The following TENM3 variants were observed in gnomAD, a reference collection of about 807,000 sequenced individuals.
The protein encoded by TENM3 is teneurin transmembrane protein 3.
A neutral mutation model predicts 255.1 loss-of-function variants in TENM3; 63 were observed. The observed-to-expected ratio is 0.25, with a 90% CI of 0.20 to 0.30. TENM3 has a LOEUF of 0.30. Among genes scored for constraint, TENM3 ranks in the 10% least tolerant of loss-of-function variants. The pLI, the probability that TENM3 is intolerant of heterozygous loss-of-function variation, is 1.00. For synonymous variants in TENM3, 1,306 were observed against 1,322.3 expected (o/e 0.99, Z 0.27); for missense variants, 2,929 against 3,461.1 (o/e 0.85, Z 3.86).
At chr4:181,868,934 A>G in the TENM3 span, among the ~76,000 whole-genome samples, 1 of 152,122 alleles carries the variant, frequency 6.6e-6, no homozygotes, top group Non-Finnish European at 1.5e-5. Context: ...TTTCTAAGAA[A>G]TAGCAATTAA....
chr4:182,715,279 G>A (rs1759068261), intron 13 of TENM3, among the ~76,000 whole-genome samples: 1 of 152,176 alleles, frequency 6.6e-6, no homozygotes, highest in African/African-American at 2.4e-5. Context: ...GTGTTAGGTT[G>A]TGTTTCCCTG....
At chr4:182,340,388 A>T (rs1372136761) in intron 2 of TENM3, among the ~76,000 whole-genome samples, 1 of 152,198 alleles carries the variant, frequency 6.6e-6, no homozygotes, top group Non-Finnish European at 1.5e-5. Flanking sequence ...CTGGAAATTC[A>T]TGGGTTTCAA....
chr4:181,629,654 G>T, the TENM3 span, among the ~76,000 whole-genome samples: 1 of 152,134 alleles, frequency 6.6e-6, no homozygotes, highest in Non-Finnish European at 1.5e-5. Context: ...ATTTGCATAT[G>T]TTGAACCAGC....
chr4:182,781,419 G>A (rs1337563916), intron 24 of TENM3, among the ~76,000 whole-genome samples: 1 of 148,592 alleles, frequency 6.7e-6, no homozygotes, highest in Non-Finnish European at 1.5e-5. Context: ...ACTTGATCAT[G>A]GTGGATAAGC....
the TENM3 span, chr4:181,834,760 C>A: frequency 6.6e-6 from 1 of 152,322 alleles, no homozygotes; most frequent in African/African-American, 2.4e-5. Flanking sequence ...ATTCTACAGC[C>A]AACCTGTTGG....
intron 5 of TENM3, among the ~76,000 whole-genome samples, chr4:182,638,774 T>C (rs537163099): frequency 1.1e-4 from 17 of 152,334 alleles, no homozygotes; most frequent in Admixed American, 6.5e-4. Context: ...CCTAATACTT[T>C]AGCCACTGCC....
At chr4:181,640,663 C>T in the TENM3 span, among the ~76,000 whole-genome samples, 5 of 152,176 alleles carry the variant, frequency 3.3e-5, no homozygotes, top group East Asian at 5.8e-4. Flanking sequence ...CTCCACTCAG[C>T]TCTGTGCACC....
chr4:182,520,427 AGGGT>A (rs1738453817), intron 3 of TENM3, among the ~76,000 whole-genome samples: 2 of 152,206 alleles, frequency 1.3e-5, no homozygotes, highest in Admixed American at 1.3e-4. Context: ...GTATGTATTT[AGGGT>A]GTTTGGTCTC....
the TENM3 span, among the ~76,000 whole-genome samples, chr4:181,760,566 G>A: frequency 2.2e-4 from 34 of 152,048 alleles, no homozygotes; most frequent in African/African-American, 7.2e-4. Context: ...ATGATAGTGG[G>A]ATCTATGACC....
the TENM3 span, among the ~76,000 whole-genome samples, chr4:182,101,533 C>CTTCACT: frequency 6.6e-6 from 1 of 152,112 alleles, no homozygotes; most frequent in Admixed American, 6.6e-5. Flanking sequence ...GACTGCATGA[C>CTTCACT]TTCACTTTAC....
chr4:181,514,293 T>G, the TENM3 span, among the ~76,000 whole-genome samples: 1 of 152,176 alleles, frequency 6.6e-6, no homozygotes, highest in African/African-American at 2.4e-5. Context: ...TAAAAAAAAT[T>G]TAAAGCTTTG....
At chr4:181,641,133 A>G in the TENM3 span, among the ~76,000 whole-genome samples, 2 of 152,020 alleles carry the variant, frequency 1.3e-5, no homozygotes, top group African/African-American at 2.4e-5. Context: ...CTTTTTTTCT[A>G]TATTGGTACC....
the TENM3 span, among the ~76,000 whole-genome samples, chr4:181,730,313 G>A: frequency 6.6e-6 from 1 of 152,202 alleles, no homozygotes; most frequent in Non-Finnish European, 1.5e-5. Flanking sequence ...GAAGGTGGCT[G>A]AAAGAATCAT....
the TENM3 span, among the ~76,000 whole-genome samples, chr4:181,502,119 C>T: frequency 6.6e-6 from 1 of 152,074 alleles, no homozygotes; most frequent in African/African-American, 2.4e-5. Context: ...GAAGCAAAAC[C>T]TTATTTAGAA....
At chr4:182,117,898 A>T in the TENM3 span, among the ~76,000 whole-genome samples, 1 of 152,216 alleles carries the variant, frequency 6.6e-6, no homozygotes. Context: ...CATCTTGAAA[A>T]TATTGATTCT....
In TENM3 at chr4:182,792,185, G is replaced by A; in HGVS notation, c.5602-89G>A. The A allele has an allele frequency of 8.6e-7, 1 of 1,164,260 alleles. No homozygotes were observed. The highest frequency in any genetic ancestry group is 1.5e-5 in the South Asian group (1 of 67,850). The allele number at this position is 1,164,260 out of a possible 1,614,324, so 72.1% of individuals were successfully genotyped here. On this transcript the variant is annotated intron_variant, in intron 25 of 27. Transcript: ENST00000511685. The surrounding 1 kb of genome is among the most constrained non-coding windows in gnomAD (Gnocchi z 6.3). ...TAAAATGAAAATCATTTTCTCTAGT[G>A]GAATGTTTCTGTGCATCTGTGGTCA...
the TENM3 span, among the ~76,000 whole-genome samples, chr4:181,654,443 C>T: frequency 1.3e-5 from 2 of 151,972 alleles, no homozygotes; most frequent in African/African-American, 2.4e-5. Flanking sequence ...TGGGCTACAT[C>T]GACAAGTTCA....
the TENM3 span, among the ~76,000 whole-genome samples, chr4:181,756,125 G>A: frequency 7.2e-5 from 11 of 152,118 alleles, no homozygotes; most frequent in Non-Finnish European, 1.0e-4. Flanking sequence ...GTAAGTGCAT[G>A]TAAAGATATC....
At chr4:182,116,595 A>G in the TENM3 span, among the ~76,000 whole-genome samples, 1 of 152,170 alleles carries the variant, frequency 6.6e-6, no homozygotes, top group South Asian at 2.1e-4. Context: ...CATGATTGTA[A>G]GTTTCCTGAG....
Sources: allele counts gnomAD v4.1 joint callset (sites outside exome capture counted in the v4.1 genomes callset), GRCh38; gene constraint gnomAD v4.1.1; non-coding constraint Gnocchi (gnomAD v3.1); transcripts MANE v1.5; gene names NCBI Gene and HGNC (gene_info 2026-07-23, HGNC 2026-07-21).